LNX2: variants seen among roughly 807,000 people sequenced by gnomAD.
LNX2 encodes ligand of numb-protein X 2.
Under a neutral mutation model 66.2 loss-of-function variants are expected in LNX2, and 35 were observed. The observed-to-expected ratio is 0.53, with a 90% CI of 0.40 to 0.70. LNX2 has a LOEUF of 0.70. Ranked by LOEUF, LNX2 falls within the 30% of genes least tolerant of loss-of-function variation. The probability of loss-of-function intolerance (pLI) is 0.00; values close to 1 mark genes in which losing one functional copy is unlikely to be tolerated. For missense variants in LNX2, 791 were observed against 850.8 expected (o/e 0.93, Z 0.87); for synonymous variants, 337 against 315.6 (o/e 1.07, Z -0.72).
chr13:27,554,303 A>G (rs1405939511), intron 7 of LNX2, among the ~76,000 whole-genome samples: 1 of 152,244 alleles, frequency 6.6e-6, no homozygotes, highest in Admixed American at 6.5e-5. Flanking sequence ...TCACCCATTT[A>G]AAGAACATAA....
intron 1 of LNX2, among the ~76,000 whole-genome samples, chr13:27,616,845 G>A (rs951858853): frequency 6.6e-6 from 1 of 152,220 alleles, no homozygotes; most frequent in Non-Finnish European, 1.5e-5. Context: ...TAGCTCCCGG[G>A]TTCAAGCGAT....
intron 9 of LNX2, among the ~76,000 whole-genome samples, 195 bp from the exon 10 acceptor site, chr13:27,548,665 G>A (rs545362354): frequency 1.4e-4 from 22 of 152,298 alleles, no homozygotes; most frequent in African/African-American, 5.3e-4. Flanking sequence ...GGAAACCCCT[G>A]TGCCGATGAC....
At chr13:27,560,078 T>G in intron 5 of LNX2, 93 bp from the exon 6 acceptor site, 1 of 1,185,700 alleles carries the variant, frequency 8.4e-7, no homozygotes, top group Admixed American at 2.5e-5. Flanking sequence ...AACTTCTTAA[T>G]CACTGTACCA....
In LNX2 at chr13:27,608,213, T is replaced by C. The variant is rs530839861; in HGVS notation, c.-101+12162A>G. ...TAAAATTTATGTTTGCTTGAAACTA[T>C]TCTTTACTCGTAACTGCTAATAAAT... On this transcript the variant is annotated intron_variant, in intron 1 of 9. Coordinates refer to ENST00000316334, the MANE Select transcript of LNX2 (RefSeq NM_153371.4). Among the ~76,000 whole-genome samples, 11 of 152,372 alleles carry C rather than the reference T, an allele frequency of 7.2e-5. No homozygotes were observed. The East Asian group carries it at 1.9e-3, about 27-fold the overall frequency.
At chr13:27,612,849 C>T (rs1043528467) in intron 1 of LNX2, among the ~76,000 whole-genome samples, 7 of 152,178 alleles carry the variant, frequency 4.6e-5, no homozygotes, top group African/African-American at 1.4e-4. Flanking sequence ...CTTGGCCACC[C>T]AAAGTGAGCC....
At chr13:27,558,749 A>G (rs1167507025) in intron 6 of LNX2, among the ~76,000 whole-genome samples, 22 of 152,124 alleles carry the variant, frequency 1.4e-4, no homozygotes, top group Admixed American at 1.4e-3. Context: ...TTGCTCAGAA[A>G]TGAGAATGAA....
intron 1 of LNX2, among the ~76,000 whole-genome samples, chr13:27,613,783 AAAAAAT>A (rs1160382316): frequency 6.6e-6 from 1 of 152,154 alleles, no homozygotes; most frequent in Non-Finnish European, 1.5e-5. Flanking sequence ...AATAAAAATA[AAAAAAT>A]AAAAATACAG....
rs372735142 is a variant in LNX2 at position 27,581,649 on chromosome 13, G to A, written c.55C>T (p.Leu19=). The A allele has an allele frequency of 4.3e-6, 7 of 1,613,886 alleles. No homozygotes were observed. In the African/African-American group the frequency reaches 9.3e-5, roughly 22 times the overall value. Reference sequence around the variant, plus strand: ...CCACATTCAAAACACAGGGGGTTTAGAGAAGAGGAGGAGGTCTGTTCCACA... The same window carrying A: ...CCACATTCAAAACACAGGGGGTTTAAAGAAGAGGAGGAGGTCTGTTCCACA... ...VSVEQTSSSS[L]NPLCFECGQQ... is the part of the protein sequence containing the mutation. Residue 19 remains leucine, a synonymous_variant, in exon 2 of 10, where the codon CTA becomes TTA. Transcript: ENST00000316334.
chr13:27,587,710 G>C (rs1955503152), intron 1 of LNX2, among the ~76,000 whole-genome samples: 1 of 152,188 alleles, frequency 6.6e-6, no homozygotes, highest in East Asian at 1.9e-4. Flanking sequence ...TATCAGCTTT[G>C]ATAGCTGCTT....
chr13:27,560,565 G>GTGTGTATGTGTATATATATA lies in LNX2; in HGVS notation c.1225-581_1225-580insTATATATATACACATACACA, dbSNP rs35007288. The stretch of plus-strand genomic sequence containing the variant: ...ATAACAAGACTTTATATGTATGTGT[G>GTGTGTATGTGTATATATATA]TATATATATATATATATATAGCATA... On this transcript the variant is annotated intron_variant, in intron 5 of 9. Transcript: ENST00000316334. 3.5e-3 allele frequency among the ~76,000 whole-genome samples: 419 copies of GTGTGTATGTGTATATATATA among 120,000 alleles called. 7 individuals are homozygous for GTGTGTATGTGTATATATATA. The highest frequency in any genetic ancestry group is 0.015 in the Admixed American group (185 of 12,480). The allele number at this position is 120,000 out of a possible 152,430, so 78.7% of individuals were successfully genotyped here.
chr13:27,599,868 T>C (rs1477740412), intron 1 of LNX2, among the ~76,000 whole-genome samples: 1 of 152,180 alleles, frequency 6.6e-6, no homozygotes, highest in Non-Finnish European at 1.5e-5. Flanking sequence ...TGGTTAACAA[T>C]GGCAGCAAAT....
chr13:27,592,727 AGAG>A (rs1180475607), intron 1 of LNX2, among the ~76,000 whole-genome samples: 5 of 152,218 alleles, frequency 3.3e-5, no homozygotes, highest in South Asian at 2.1e-4. Context: ...AGGACCAGGC[AGAG>A]GAGGAGTGTC....
rs550560179 is a variant in LNX2, at chr13:27,573,776, T to C, written c.408-4500A>G. On this transcript the variant is annotated intron_variant, in intron 2 of 9. Transcript: ENST00000316334. Reference sequence around the variant, plus strand: ...ACAGAATTAGTTCATAAGAGTCACATAGCAAACAAACAAACAACAACAATA... The same window carrying C: ...ACAGAATTAGTTCATAAGAGTCACACAGCAAACAAACAAACAACAACAATA... Among the ~76,000 whole-genome samples the C allele has an allele frequency of 4.3e-4, 65 of 152,270 alleles. No homozygotes were observed. In the South Asian group the frequency reaches 8.5e-3, roughly 20 times the overall value.
At chr13:27,590,722 G>C (rs17811793) in intron 1 of LNX2, among the ~76,000 whole-genome samples, 16,250 of 152,088 alleles carry the variant, frequency 0.11, 1,062 homozygotes, top group Non-Finnish European at 0.14. Context: ...AAATGCAAAA[G>C]AATCGGGTGG....
chr13:27,566,677 G>C (rs1052439948), intron 4 of LNX2, among the ~76,000 whole-genome samples: 1 of 152,134 alleles, frequency 6.6e-6, no homozygotes, highest in Non-Finnish European at 1.5e-5. Context: ...ATGAAGAAGA[G>C]AAGTCCTAGA....
At chr13:27,597,555 A>G (rs990221156) in intron 1 of LNX2, among the ~76,000 whole-genome samples, 11 of 152,180 alleles carry the variant, frequency 7.2e-5, no homozygotes, top group Non-Finnish European at 1.6e-4. Flanking sequence ...AGGTACAGAG[A>G]GAAAGCAAGG....
At chr13:27,593,713 G>T (rs550637222) in intron 1 of LNX2, among the ~76,000 whole-genome samples, 1 of 149,170 alleles carries the variant, frequency 6.7e-6, no homozygotes, top group African/African-American at 2.5e-5. Flanking sequence ...GATTACAGGC[G>T]CCCACCACCA....
chr13:27,586,464 C>T (rs1170755263), intron 1 of LNX2, among the ~76,000 whole-genome samples: 1 of 152,170 alleles, frequency 6.6e-6, no homozygotes, highest in Non-Finnish European at 1.5e-5. Flanking sequence ...GCTGGCTGTA[C>T]TGCCTCACAC....
intron 2 of LNX2, among the ~76,000 whole-genome samples, chr13:27,577,955 T>G (rs558410895): frequency 6.6e-6 from 1 of 152,222 alleles, no homozygotes; most frequent in Non-Finnish European, 1.5e-5. Flanking sequence ...ACATGTAGAA[T>G]ATTTTTCAAA....
Sources: allele counts gnomAD v4.1 joint callset (sites outside exome capture counted in the v4.1 genomes callset), GRCh38; gene constraint gnomAD v4.1.1; transcripts MANE v1.5; gene names NCBI Gene and HGNC (gene_info 2026-07-23, HGNC 2026-07-21).